Variants in PAK5 observed in about 807,000 individuals in gnomAD.
The protein encoded by PAK5 is serine/threonine-protein kinase PAK 5.
In PAK5, 16 loss-of-function variants were observed where a neutral mutation model predicts 65.9. That is an observed-to-expected ratio of 0.24 (90% CI 0.16 to 0.37). The LOEUF is 0.37. PAK5 is among the 10% of genes least tolerant of loss of function. The pLI, the probability that PAK5 is intolerant of heterozygous loss-of-function variation, is 1.00. For missense variants in PAK5, 785 were observed against 903.9 expected, an observed-to-expected ratio of 0.87 and a Z score of 1.69; for synonymous variants, 371 against 354.9, an observed-to-expected ratio of 1.05 and a Z score of -0.51.
At chr20:9,742,681 T>C (rs192674623) in intron 1 of PAK5, among the ~76,000 whole-genome samples, 3 of 152,276 alleles carry the variant, frequency 2.0e-5, no homozygotes, top group Admixed American at 1.3e-4. Context: ...CTAAAAAAAA[T>C]TGGTTATCTG....
At chr20:9,718,728 CA>C (rs920393956) in intron 1 of PAK5, among the ~76,000 whole-genome samples, 13 of 151,916 alleles carry the variant, frequency 8.6e-5, no homozygotes, top group Middle Eastern at 6.9e-3. Flanking sequence ...AGAACCTTTC[CA>C]AAAAAAATTA....
chr20:9,600,685 A>C (rs73895923), intron 3 of PAK5, among the ~76,000 whole-genome samples: 8,608 of 152,158 alleles, frequency 0.057, 746 homozygotes, highest in African/African-American at 0.19. Flanking sequence ...CAAGGGATTA[A>C]CCTTTCTTAT....
chr20:9,739,915 A>G (rs1024624329), intron 1 of PAK5, among the ~76,000 whole-genome samples: 3 of 152,156 alleles, frequency 2.0e-5, no homozygotes, highest in African/African-American at 7.2e-5. Flanking sequence ...CCATGAAAAC[A>G]CAGGTCGTCA....
intron 1 of PAK5, among the ~76,000 whole-genome samples, chr20:9,740,499 A>G (rs961581235): frequency 1.3e-5 from 2 of 152,302 alleles, no homozygotes; most frequent in Middle Eastern, 6.8e-3. Context: ...CCCAAAAGGT[A>G]GTTATACTTC....
intron 3 of PAK5, among the ~76,000 whole-genome samples, chr20:9,627,809 T>G (rs6056762): frequency 3.9e-5 from 6 of 151,990 alleles, no homozygotes; most frequent in Admixed American, 2.6e-4. Context: ...GTAAATTTAG[T>G]AGAGACAGGG....
At chr20:9,632,650 C>T (rs1196673164) in intron 3 of PAK5, among the ~76,000 whole-genome samples, 5 of 152,096 alleles carry the variant, frequency 3.3e-5, no homozygotes, top group Non-Finnish European at 7.4e-5. Context: ...TCTACATGAT[C>T]GAATCAAAAG....
At chr20:9,753,132 G>T (rs2048595305) in intron 1 of PAK5, among the ~76,000 whole-genome samples, 1 of 152,128 alleles carries the variant, frequency 6.6e-6, no homozygotes, top group African/African-American at 2.4e-5. Flanking sequence ...GCTCAGCCTA[G>T]ATGCACAATA....
intron 9 of PAK5, 81 bp downstream of exon 9, chr20:9,542,505 G>T: frequency 1.5e-6 from 2 of 1,367,208 alleles, no homozygotes; most frequent in Non-Finnish European, 1.0e-6. Context: ...GCTGGATGTG[G>T]TAAGCCAGTC....
chr20:9,678,951 G>A (rs949513585), intron 2 of PAK5, among the ~76,000 whole-genome samples: 1 of 152,150 alleles, frequency 6.6e-6, no homozygotes, highest in Non-Finnish European at 1.5e-5. Flanking sequence ...TTCCCAGGCA[G>A]AGTCTGAATA....
At chr20:9,589,251 C>T (rs2046123388) in intron 3 of PAK5, among the ~76,000 whole-genome samples, 1 of 152,064 alleles carries the variant, frequency 6.6e-6, no homozygotes, top group Admixed American at 6.5e-5. Flanking sequence ...AAATTCTTAC[C>T]CTGTTGGTAA....
chr20:9,752,871 T>C (rs753931531), intron 1 of PAK5, among the ~76,000 whole-genome samples: 4 of 152,022 alleles, frequency 2.6e-5, no homozygotes, highest in Admixed American at 6.6e-5. Flanking sequence ...CTTTGACCAA[T>C]TGAAGGAGGC....
At chr20:9,588,879 C>T (rs2046116314) in intron 3 of PAK5, among the ~76,000 whole-genome samples, 1 of 152,140 alleles carries the variant, frequency 6.6e-6, no homozygotes, top group Non-Finnish European at 1.5e-5. Context: ...TATTCAGGCT[C>T]CCAGTGACAG....
intron 2 of PAK5, among the ~76,000 whole-genome samples, chr20:9,664,101 T>G (rs890450264): frequency 1.3e-5 from 2 of 152,128 alleles, no homozygotes; most frequent in African/African-American, 4.8e-5. Context: ...AGGCAGAAAG[T>G]CCCTTCCATC....
chr20:9,605,593 G>C (rs903400237), intron 3 of PAK5, among the ~76,000 whole-genome samples: 4 of 152,200 alleles, frequency 2.6e-5, no homozygotes, highest in African/African-American at 9.7e-5. Context: ...ACAGTGTCAG[G>C]TATACAGTGG....
At chr20:9,666,335 T>A (rs2047416909) in intron 2 of PAK5, among the ~76,000 whole-genome samples, 1 of 118,384 alleles carries the variant, frequency 8.4e-6, no homozygotes. Flanking sequence ...CCAGTGACAA[T>A]AACAGAAAGA....
intron 4 of PAK5, among the ~76,000 whole-genome samples, chr20:9,568,470 T>G (rs1448838840): frequency 2.0e-5 from 3 of 152,000 alleles, no homozygotes; most frequent in African/African-American, 7.3e-5. Flanking sequence ...ACAGGGCTTG[T>G]GGGGTGTGAT....
At chr20:9,621,355 C>A (rs1010232664) in intron 3 of PAK5, among the ~76,000 whole-genome samples, 12 of 149,054 alleles carry the variant, frequency 8.1e-5, no homozygotes, top group African/African-American at 3.0e-4. Flanking sequence ...GAGCTAAGGA[C>A]CTGAATAGAC....
chr20:9,627,943 TAAG>T (rs1261145045), intron 3 of PAK5, among the ~76,000 whole-genome samples: 1 of 152,220 alleles, frequency 6.6e-6, no homozygotes, highest in East Asian at 1.9e-4. Flanking sequence ...TTCAAATTTA[TAAG>T]AACTCTGAGA....
intron 7 of PAK5, among the ~76,000 whole-genome samples, chr20:9,550,037 G>A (rs1310498577): frequency 6.6e-6 from 1 of 152,194 alleles, no homozygotes; most frequent in African/African-American, 2.4e-5. Context: ...ACCTGTCTCA[G>A]ATACTGTTTC....
Sources: gnomAD v4.1 joint callset for allele counts (sites outside exome capture counted in the v4.1 genomes callset) on GRCh38, gnomAD v4.1.1 for gene constraint, MANE v1.5 for transcripts, NCBI Gene and HGNC (gene_info 2026-07-23, HGNC 2026-07-21) for gene names.